Variants in SYN3 observed in about 807,000 individuals in gnomAD.
SYN3 encodes the protein synapsin III.
A neutral mutation model predicts 65.8 loss-of-function variants in SYN3; 35 were observed. The observed-to-expected ratio is 0.53, with a 90% confidence interval of 0.41 to 0.70. The LOEUF (loss-of-function observed/expected upper bound fraction) is 0.70, where lower values mean the gene tolerates loss of function less well. Ranked by LOEUF, SYN3 falls within the 30% of genes least tolerant of loss-of-function variation. SYN3 has a pLI of 0.00. For synonymous variants in SYN3, 270 were observed against 292.9 expected (o/e 0.92, Z 0.80); for missense variants, 680 against 749.0 (o/e 0.91, Z 1.08).
At chr22:33,042,317 C>A (rs559701115) in intron 1 of SYN3, among the ~76,000 whole-genome samples, 3 of 152,322 alleles carry the variant, frequency 2.0e-5, no homozygotes, top group Admixed American at 6.5e-5. Context: ...GGGTCAGGGG[C>A]AGGAAAGGCC....
intron 2 of SYN3, among the ~76,000 whole-genome samples, chr22:32,983,301 T>C (rs1203381144): frequency 6.6e-6 from 1 of 152,204 alleles, no homozygotes; most frequent in Non-Finnish European, 1.5e-5. Flanking sequence ...TAATGGATAA[T>C]TTTTTAAGCA....
Position 32,869,143 on chromosome 22 carries a change from A to G in SYN3, c.462-18T>C. 6.2e-7 allele frequency: 1 copy of G among 1,610,136 alleles called. No homozygotes were observed. Among genetic ancestry groups the G allele is most frequent in the Non-Finnish European group, 8.5e-7 (1 of 1,177,432 alleles). Reference sequence around the variant, plus strand: ...AGGATCTGCTGAGAAAGCCAACAGCAGTGTTACCACACTGGGACATTGATG... The same window carrying G: ...AGGATCTGCTGAGAAAGCCAACAGCGGTGTTACCACACTGGGACATTGATG... On this transcript the variant is annotated intron_variant, in intron 4 of 13. Transcript: ENST00000358763.
At chr22:32,732,499 C>T (rs2061283420) in intron 6 of SYN3, among the ~76,000 whole-genome samples, 1 of 152,208 alleles carries the variant, frequency 6.6e-6, no homozygotes, top group African/African-American at 2.4e-5. Flanking sequence ...GTGCAGGCAG[C>T]AGAGTGAAGT....
At chr22:32,990,343 T>TCCAC (rs1364853776) in intron 2 of SYN3, among the ~76,000 whole-genome samples, 6 of 148,838 alleles carry the variant, frequency 4.0e-5, no homozygotes, top group Admixed American at 6.7e-5. Context: ...CATCCATCCA[T>TCCAC]CCACCCATCC....
rs559219462 is a variant in SYN3 at position 32,586,546 on chromosome 22, G to A, written c.774+10128C>T. Among the ~76,000 whole-genome samples, 17 of 152,172 alleles carry A rather than the reference G, an allele frequency of 1.1e-4. No homozygotes were observed. In the South Asian group the frequency reaches 2.1e-3, roughly 19 times the overall value. On this transcript the variant is annotated intron_variant, in intron 7 of 13. Transcript: ENST00000358763. ...ACACTTCGAGGGCATTTTAAACAGT[G>A]AAATCATCAACAAAAAGCACAAAAA...
At chr22:32,542,294 G>A (rs1027730993) in intron 7 of SYN3, among the ~76,000 whole-genome samples, 4 of 152,130 alleles carry the variant, frequency 2.6e-5, no homozygotes, top group African/African-American at 9.7e-5. Flanking sequence ...TTAGGAAGAA[G>A]GGAGCGTGCA....
chr22:32,996,663 T>C (rs890988558), intron 2 of SYN3, among the ~76,000 whole-genome samples: 1 of 152,230 alleles, frequency 6.6e-6, no homozygotes, highest in African/African-American at 2.4e-5. Context: ...CGGGAAAGAA[T>C]AGAAAAGATC....
chr22:32,536,171 T>C (rs1188648514), intron 9 of SYN3, among the ~76,000 whole-genome samples: 1 of 152,148 alleles, frequency 6.6e-6, no homozygotes, highest in Admixed American at 6.5e-5. Flanking sequence ...GGAAGGGCCA[T>C]AGAGAAGATG....
Position 32,913,056 on chromosome 22 carries a change from T to C in SYN3, c.461+18334A>G, listed in dbSNP as rs143053230. Among the ~76,000 whole-genome samples, 88 of 152,112 alleles carry C rather than the reference T, an allele frequency of 5.8e-4. 3 individuals carry two copies. The East Asian group carries it at 0.015, about 25-fold the overall frequency. On this transcript the variant is annotated intron_variant, in intron 4 of 13. Transcript: ENST00000358763. ...ACTATACCCCTCTGGTACAGGATAGTGAGGGAGGGAAGCTTTGCACGTGTA... is the reference window on the plus strand; with the variant it reads ...ACTATACCCCTCTGGTACAGGATAGCGAGGGAGGGAAGCTTTGCACGTGTA...
chr22:32,593,511 T>C (rs12158769), intron 7 of SYN3, among the ~76,000 whole-genome samples: 1,606 of 152,098 alleles, frequency 0.011, 20 homozygotes, highest in African/African-American at 0.037. Flanking sequence ...CATTTGGACA[T>C]GGAGGAGGGG....
At chr22:32,881,247 GAAA>G (rs1003378258) in intron 4 of SYN3, among the ~76,000 whole-genome samples, 1 of 152,166 alleles carries the variant, frequency 6.6e-6, no homozygotes, top group Non-Finnish European at 1.5e-5. Context: ...GGGGGAAGGG[GAAA>G]GCCCATTTTG....
At chr22:32,934,416 T>C (rs2050718916) in intron 3 of SYN3, among the ~76,000 whole-genome samples, 1 of 152,232 alleles carries the variant, frequency 6.6e-6, no homozygotes, top group Non-Finnish European at 1.5e-5. Flanking sequence ...TGTCTAGAGT[T>C]ATTTCTCAGT....
At chr22:32,547,414 TCA>T (rs745334735) in intron 7 of SYN3, among the ~76,000 whole-genome samples, 23 of 152,310 alleles carry the variant, frequency 1.5e-4, no homozygotes, top group African/African-American at 5.1e-4. Context: ...TCTGTCTCCT[TCA>T]GTTTTCCTGA....
chr22:32,544,244 A>G (rs539597268), intron 7 of SYN3, among the ~76,000 whole-genome samples: 2 of 152,236 alleles, frequency 1.3e-5, no homozygotes, highest in East Asian at 3.9e-4. Flanking sequence ...GGCCCCTATT[A>G]TGTGGGTCTT....
chr22:32,732,633 G>A (rs2061285248), intron 6 of SYN3, among the ~76,000 whole-genome samples: 1 of 152,218 alleles, frequency 6.6e-6, no homozygotes, highest in Non-Finnish European at 1.5e-5. Flanking sequence ...TCTGTAAAGT[G>A]AGGATTAACA....
intron 7 of SYN3, among the ~76,000 whole-genome samples, chr22:32,556,569 T>C (rs1569034835): frequency 6.6e-6 from 1 of 152,150 alleles, no homozygotes; most frequent in Non-Finnish European, 1.5e-5. Flanking sequence ...TCTGTGGCGC[T>C]CCAGGACTTC....
At chr22:32,869,212 C>A in intron 4 of SYN3, 87 bp from the exon 5 acceptor site, 1 of 1,482,962 alleles carries the variant, frequency 6.7e-7, no homozygotes, top group Non-Finnish European at 9.2e-7. Flanking sequence ...GATGATAGCA[C>A]TGACTTGCAG....
chr22:32,851,396 C>T lies in SYN3; in HGVS notation c.711+13519G>A, dbSNP rs555047177. On this transcript the variant is annotated intron_variant, in intron 6 of 13. Coordinates refer to ENST00000358763, the MANE Select transcript of SYN3 (RefSeq NM_003490.4). ...GAGGCCCTTCCTGTGGACATAATGT[C>T]CCATTCCCCCTTGCTGGTGTCAGAC... 5.3e-4 allele frequency among the ~76,000 whole-genome samples: 80 copies of T among 152,216 alleles called. No individual in the cohort carries two copies. The South Asian group carries it at 0.017, about 32-fold the overall frequency.
chr22:33,038,621 G>T (rs1345129325), intron 1 of SYN3, among the ~76,000 whole-genome samples: 2 of 152,100 alleles, frequency 1.3e-5, no homozygotes, highest in Non-Finnish European at 2.9e-5. Flanking sequence ...ATGACATCAG[G>T]ACCCAAGACT....
Sources: allele counts gnomAD v4.1 joint callset (sites outside exome capture counted in the v4.1 genomes callset), GRCh38; gene constraint gnomAD v4.1.1; transcripts MANE v1.5; gene names NCBI Gene and HGNC (gene_info 2026-07-23, HGNC 2026-07-21).